PAG1: variants seen among roughly 807,000 people sequenced by gnomAD.
The protein encoded by PAG1 is phosphoprotein membrane anchor with glycosphingolipid microdomains 1, also known as phosphoprotein associated with glycosphingolipid-enriched microdomains 1.
PAG1 carries 23 observed loss-of-function variants against 31.7 expected under a neutral mutation model. The observed-to-expected ratio is 0.73, with a 90% confidence interval of 0.52 to 1.03. The LOEUF (loss-of-function observed/expected upper bound fraction) is 1.03, where lower values mean the gene tolerates loss of function less well. PAG1 is among the 50% of genes least tolerant of loss of function. The pLI is 0.00. For synonymous variants in PAG1, 214 were observed against 210.3 expected (o/e 1.02, Z -0.15); for missense variants, 473 against 540.7 (o/e 0.87, Z 1.24).
At chr8:81,072,223 G>T (rs1809105531) in intron 1 of PAG1, among the ~76,000 whole-genome samples, 1 of 152,208 alleles carries the variant, frequency 6.6e-6, no homozygotes, top group Non-Finnish European at 1.5e-5. Flanking sequence ...CACCTGATAG[G>T]TGGGTCCCCC....
intron 1 of PAG1, among the ~76,000 whole-genome samples, chr8:81,079,742 C>T (rs1435552533): frequency 6.6e-6 from 1 of 151,934 alleles, no homozygotes; most frequent in Non-Finnish European, 1.5e-5. Flanking sequence ...GTATCGCATG[C>T]CATGAAGCAA....
At chr8:80,995,500 T>A (rs975830481) in intron 3 of PAG1, among the ~76,000 whole-genome samples, 4 of 152,162 alleles carry the variant, frequency 2.6e-5, no homozygotes, top group African/African-American at 9.7e-5. Context: ...CCACAATAGG[T>A]TTTAAAATAC....
chr8:81,068,731 C>T (rs907802700), intron 2 of PAG1, among the ~76,000 whole-genome samples: 2 of 152,144 alleles, frequency 1.3e-5, no homozygotes, highest in Admixed American at 1.3e-4. Flanking sequence ...TCAAGCTTAG[C>T]TTCTATAGGA....
chr8:80,993,633 T>TG (rs1205808203), intron 3 of PAG1, among the ~76,000 whole-genome samples: 1 of 151,194 alleles, frequency 6.6e-6, no homozygotes, highest in Non-Finnish European at 1.5e-5. Context: ...ACCAGGGTCT[T>TG]GCTCTGTTGC....
chr8:81,103,378 A>T (rs1197616783), intron 1 of PAG1, among the ~76,000 whole-genome samples: 1 of 152,208 alleles, frequency 6.6e-6, no homozygotes, highest in African/African-American at 2.4e-5. Context: ...GTACGAACCC[A>T]GGACACCTCA....
chr8:81,073,329 C>A (rs1440295764), intron 1 of PAG1, among the ~76,000 whole-genome samples: 1 of 152,136 alleles, frequency 6.6e-6, no homozygotes, highest in Non-Finnish European at 1.5e-5. Context: ...GTGGTTAAAT[C>A]CTGACTCACA....
intron 3 of PAG1, among the ~76,000 whole-genome samples, chr8:80,994,195 C>G (rs557845547): frequency 6.6e-6 from 1 of 151,674 alleles, no homozygotes; most frequent in Non-Finnish European, 1.5e-5. Flanking sequence ...GTCAATGTAA[C>G]TAATGAAATA....
rs138638175 is a variant in PAG1 at position 81,019,435 on chromosome 8, G to C, written c.-81+10561C>G. 8.0e-3 allele frequency among the ~76,000 whole-genome samples: 1,213 copies of C among 152,310 alleles called. 13 individuals are homozygous for C. The highest frequency in any genetic ancestry group is 0.037 in the South Asian group (178 of 4,816). Reference sequence around the variant, plus strand: ...AAGGAAAAATGGTTTAGTGGGCCAGGGCCCCCCTGTTCTGTGCAGCCCCGG... The same window carrying C: ...AAGGAAAAATGGTTTAGTGGGCCAGCGCCCCCCTGTTCTGTGCAGCCCCGG... On this transcript the variant is annotated intron_variant, in intron 3 of 8. Coordinates refer to ENST00000220597, the MANE Select transcript of PAG1 (RefSeq NM_018440.4).
At position 81,047,236 on chromosome 8, in the gene PAG1, AT is replaced by A. The variant is rs1258321155; in HGVS notation, c.-174-17148del. ...GTAATGGGGTTGCTGGGTTAAATGT[AT>A]TTCTGCCTCTAGGTCTTTGAGGGAT... On this transcript the variant is annotated intron_variant, in intron 2 of 8. Transcript: ENST00000220597. Among the ~76,000 whole-genome samples, 4 of 152,264 alleles carry A rather than the reference AT, an allele frequency of 2.6e-5. No individual in the cohort carries two copies. The East Asian group carries it at 7.7e-4, about 29-fold the overall frequency.
At chr8:81,055,528 A>G (rs999810687) in intron 2 of PAG1, among the ~76,000 whole-genome samples, 3 of 152,030 alleles carry the variant, frequency 2.0e-5, no homozygotes, top group African/African-American at 7.2e-5. Context: ...ATGGCATTGA[A>G]TCTATAAGTT....
At chr8:81,086,511 G>A (rs1054084542) in intron 1 of PAG1, among the ~76,000 whole-genome samples, 5 of 151,756 alleles carry the variant, frequency 3.3e-5, no homozygotes, top group African/African-American at 4.9e-5. Flanking sequence ...GTGTGCGCGC[G>A]CGTGTGTGTG....
chr8:81,013,714 G>A (rs1808023639), intron 3 of PAG1, among the ~76,000 whole-genome samples: 1 of 152,078 alleles, frequency 6.6e-6, no homozygotes, highest in Non-Finnish European at 1.5e-5. Flanking sequence ...GGAGTAGCTG[G>A]GATTATAGGT....
chr8:80,989,883 C>A (rs1807503157), intron 5 of PAG1, among the ~76,000 whole-genome samples: 1 of 152,178 alleles, frequency 6.6e-6, no homozygotes, highest in African/African-American at 2.4e-5. Flanking sequence ...TGCAGAAGAA[C>A]CCCTGCTCTA....
At chr8:81,074,084 T>C (rs1054850235) in intron 1 of PAG1, among the ~76,000 whole-genome samples, 1 of 152,112 alleles carries the variant, frequency 6.6e-6, no homozygotes, top group Non-Finnish European at 1.5e-5. Context: ...AGCAAGATTA[T>C]TAGCTGAGAA....
intron 3 of PAG1, among the ~76,000 whole-genome samples, chr8:81,006,658 G>A (rs766879100): frequency 5.3e-5 from 8 of 152,022 alleles, no homozygotes; most frequent in Admixed American, 2.0e-4. Context: ...TGTCTTCCTC[G>A]AGATTTTCCA....
intron 8 of PAG1, among the ~76,000 whole-genome samples, chr8:80,979,275 T>A (rs143995953): frequency 6.6e-6 from 1 of 152,202 alleles, no homozygotes; most frequent in Non-Finnish European, 1.5e-5. Flanking sequence ...TGGGATCACT[T>A]TGGCTGCAGA....
At chr8:80,996,078 C>T (rs982297806) in intron 3 of PAG1, among the ~76,000 whole-genome samples, 11 of 152,260 alleles carry the variant, frequency 7.2e-5, no homozygotes, top group South Asian at 2.1e-4. Flanking sequence ...ATCAGGTGCA[C>T]GTTTCTGAGT....
chr8:81,094,344 G>C (rs1308403543), intron 1 of PAG1, among the ~76,000 whole-genome samples: 1 of 152,146 alleles, frequency 6.6e-6, no homozygotes. Flanking sequence ...TTTCAAGCCA[G>C]CTTTTAAGCA....
Position 81,088,451 on chromosome 8 carries a change from C to T in PAG1, c.-233-18281G>A, listed in dbSNP as rs76380959. Among the ~76,000 whole-genome samples, 1,336 of 152,094 alleles carry T rather than the reference C, an allele frequency of 8.8e-3. 21 individuals are homozygous for T. The highest frequency in any genetic ancestry group is 0.03 in the African/African-American group (1,256 of 41,464). On this transcript the variant is annotated intron_variant, in intron 1 of 8. Coordinates refer to ENST00000220597, the MANE Select transcript of PAG1 (RefSeq NM_018440.4). ...TGTTATAGTTAGGGGGTTAGGGTTACGGCTGGGGTTAGGACAAATTGCAAA... is the reference window on the plus strand; with the variant it reads ...TGTTATAGTTAGGGGGTTAGGGTTATGGCTGGGGTTAGGACAAATTGCAAA...
Sources: allele counts gnomAD v4.1 joint callset (sites outside exome capture counted in the v4.1 genomes callset), GRCh38; gene constraint gnomAD v4.1.1; transcripts MANE v1.5; gene names NCBI Gene and HGNC (gene_info 2026-07-23, HGNC 2026-07-21).